CCSER1: variants seen among roughly 807,000 people sequenced by gnomAD.
The protein encoded by CCSER1 is coiled-coil serine rich protein 1, also known as serine-rich coiled-coil domain-containing protein 1.
Under a neutral mutation model 82.0 loss-of-function variants are expected in CCSER1, and 41 were observed. The observed-to-expected ratio is 0.50, with a 90% CI of 0.39 to 0.65. The LOEUF is 0.65. Ranked by LOEUF, CCSER1 falls within the 30% of genes least tolerant of loss-of-function variation. The probability of loss-of-function intolerance (pLI) is 0.00; values close to 1 mark genes in which losing one functional copy is unlikely to be tolerated. For missense variants in CCSER1, 1,119 were observed against 1,064.2 expected (o/e 1.05, Z -0.72); for synonymous variants, 414 against 383.9 (o/e 1.08, Z -0.92).
At chr4:90,987,021 T>C (rs1736634180) in intron 9 of CCSER1, among the ~76,000 whole-genome samples, 1 of 151,580 alleles carries the variant, frequency 6.6e-6, no homozygotes, top group Admixed American at 6.6e-5. Flanking sequence ...GAGGGATTGA[T>C]CAGAATTTGT....
At chr4:91,324,126 T>C (rs558256812) in intron 10 of CCSER1, among the ~76,000 whole-genome samples, 34 of 152,268 alleles carry the variant, frequency 2.2e-4, no homozygotes, top group Middle Eastern at 3.4e-3. Context: ...ATGGAAACAA[T>C]TTAGGTAGAG....
At chr4:91,143,891 G>T (rs1412387523) in intron 10 of CCSER1, among the ~76,000 whole-genome samples, 1 of 151,908 alleles carries the variant, frequency 6.6e-6, no homozygotes, top group Admixed American at 6.6e-5. Context: ...ATTTTATTAA[G>T]GCTTTTTGTA....
chr4:91,048,050 A>T (rs1742666597), intron 9 of CCSER1, among the ~76,000 whole-genome samples: 1 of 151,886 alleles, frequency 6.6e-6, no homozygotes, highest in African/African-American at 2.4e-5. Flanking sequence ...TCTATTATTC[A>T]CTCACCCCAA....
intron 7 of CCSER1, among the ~76,000 whole-genome samples, chr4:90,726,363 C>G (rs1023153358): frequency 3.3e-5 from 5 of 151,848 alleles, no homozygotes; most frequent in African/African-American, 1.2e-4. Flanking sequence ...CACTAATACC[C>G]ATGCCTTTAT....
At chr4:90,706,303 TG>T (rs1420143041) in intron 6 of CCSER1, among the ~76,000 whole-genome samples, 2 of 152,154 alleles carry the variant, frequency 1.3e-5, no homozygotes, top group African/African-American at 4.8e-5. Flanking sequence ...CAAAGTGGCC[TG>T]GCATGGTGGC....
At chr4:90,734,217 CTGGGTTCTTGCCATTCTCCTGCCTCT>C (rs1434880387) in intron 7 of CCSER1, among the ~76,000 whole-genome samples, 2 of 151,964 alleles carry the variant, frequency 1.3e-5, no homozygotes, top group African/African-American at 2.4e-5. Flanking sequence ...GCTCTGCCTC[CTGGGTTCTTGCCATTCTCCTGCCTCT>C]GCCTCTCAAG....
At chr4:90,343,059 A>T (rs546415746) in intron 3 of CCSER1, among the ~76,000 whole-genome samples, 67 of 152,116 alleles carry the variant, frequency 4.4e-4, no homozygotes, top group African/African-American at 1.6e-3. Context: ...AATTGATGAT[A>T]ATAAAAGTCT....
intron 10 of CCSER1, among the ~76,000 whole-genome samples, chr4:91,494,996 T>C (rs78852438): frequency 0.019 from 2,812 of 151,792 alleles, 76 homozygotes; most frequent in African/African-American, 0.061. Context: ...TGCTACGTGG[T>C]GTTTTGACTG....
intron 3 of CCSER1, among the ~76,000 whole-genome samples, chr4:90,384,503 A>AT (rs1476180197): frequency 6.6e-6 from 1 of 151,542 alleles, no homozygotes; most frequent in Non-Finnish European, 1.5e-5. Context: ...CATTTAGAAA[A>AT]TTTTTTCTTG....
intron 9 of CCSER1, among the ~76,000 whole-genome samples, chr4:91,037,840 T>C (rs1741587171): frequency 1.3e-5 from 2 of 152,064 alleles, no homozygotes; most frequent in South Asian, 4.1e-4. Context: ...AAAATGGAAA[T>C]TTTAGAATGA....
At chr4:90,193,584 G>GT (rs11321140) in intron 1 of CCSER1, among the ~76,000 whole-genome samples, 131 of 147,938 alleles carry the variant, frequency 8.9e-4, no homozygotes, top group African/African-American at 1.1e-3. Context: ...ATATTACCTA[G>GT]TTTTTTTTTT....
At chr4:91,241,849 A>C (rs1434355551) in intron 10 of CCSER1, among the ~76,000 whole-genome samples, 1 of 152,152 alleles carries the variant, frequency 6.6e-6, no homozygotes, top group Non-Finnish European at 1.5e-5. Flanking sequence ...TGTGCTAAGG[A>C]GGGGATATAT....
At chr4:90,653,301 G>A (rs1040525718) in intron 6 of CCSER1, among the ~76,000 whole-genome samples, 2 of 152,026 alleles carry the variant, frequency 1.3e-5, no homozygotes, top group Non-Finnish European at 2.9e-5. Flanking sequence ...TTGCATATTT[G>A]TATATGAGAA....
At chr4:90,640,337 G>C (rs1334577345) in intron 6 of CCSER1, among the ~76,000 whole-genome samples, 1 of 152,042 alleles carries the variant, frequency 6.6e-6, no homozygotes. Flanking sequence ...GATGTCCTGA[G>C]TTTTAAAAAT....
chr4:90,299,809 C>T (rs1341106005), intron 1 of CCSER1, among the ~76,000 whole-genome samples: 1 of 152,178 alleles, frequency 6.6e-6, no homozygotes, highest in African/African-American at 2.4e-5. Flanking sequence ...CTGTTTAAAT[C>T]TGGGTTAAAT....
At chr4:90,373,037 C>G (rs1183875182) in intron 3 of CCSER1, among the ~76,000 whole-genome samples, 2 of 151,950 alleles carry the variant, frequency 1.3e-5, no homozygotes, top group Non-Finnish European at 2.9e-5. Context: ...ATCCAACCAT[C>G]CATCTGTCCA....
intron 8 of CCSER1, among the ~76,000 whole-genome samples, chr4:90,922,208 T>G (rs1182230731): frequency 1.3e-5 from 2 of 151,948 alleles, no homozygotes; most frequent in African/African-American, 4.8e-5. Flanking sequence ...TTTACCTAAA[T>G]TATGTACGTA....
chr4:91,472,883 C>T (rs1257466281), intron 10 of CCSER1, among the ~76,000 whole-genome samples: 1 of 152,180 alleles, frequency 6.6e-6, no homozygotes, highest in Non-Finnish European at 1.5e-5. Context: ...TATCCATCAT[C>T]ATAACAGTTT....
At chr4:90,230,327 C>G (rs896011852) in intron 1 of CCSER1, among the ~76,000 whole-genome samples, 9 of 152,156 alleles carry the variant, frequency 5.9e-5, no homozygotes. Context: ...TCACTCAAAA[C>G]CGCTCAACTA....
Sources: gnomAD v4.1 joint callset for allele counts (sites outside exome capture counted in the v4.1 genomes callset) on GRCh38, gnomAD v4.1.1 for gene constraint, MANE v1.5 for transcripts, NCBI Gene and HGNC (gene_info 2026-07-23, HGNC 2026-07-21) for gene names.